The following POMT1 variants were observed in gnomAD, a reference collection of about 807,000 sequenced individuals.
POMT1 encodes the protein protein O-mannosyltransferase 1.
In POMT1, 85 loss-of-function variants were observed where a neutral mutation model predicts 101.6. The observed-to-expected ratio is 0.84, with a 90% confidence interval of 0.70 to 1.00. The LOEUF is 1.00. POMT1 is among the 50% of genes least tolerant of loss of function. The pLI is 0.00. For synonymous variants in POMT1, 371 were observed against 383.0 expected, an observed-to-expected ratio of 0.97 and a Z score of 0.37; for missense variants, 857 against 930.4, an observed-to-expected ratio of 0.92 and a Z score of 1.03.
Position 131,518,475 on chromosome 9 carries a change from G to C in POMT1, c.1303G>C (p.Val435Leu). Residue 435 changes from valine to leucine, a missense_variant, in exon 14 of 20, where the codon GTC becomes CTC. Val to Leu is a conservative substitution (Grantham distance 32). Coordinates refer to ENST00000402686, the MANE Select transcript of POMT1 (RefSeq NM_001077365.2). ...EIVNRGSDTD[V>L]WKTILSEVRF... Reference sequence around the variant, plus strand: ...TGTGAACAGAGGATCTGACACAGACGTCTGGAAGACCATCCTCTCAGAGGT... The same window carrying C: ...TGTGAACAGAGGATCTGACACAGACCTCTGGAAGACCATCCTCTCAGAGGT... 6.2e-7 allele frequency: 1 copy of C among 1,613,840 alleles called. No homozygotes were observed. Among genetic ancestry groups the C allele is most frequent in the Non-Finnish European group, 8.5e-7 (1 of 1,179,874 alleles).
rs1947129022 is a variant in POMT1, at chr9:131,511,604, G to A, written c.986+137G>A. 4 of 1,195,942 alleles carry A rather than the reference G, an allele frequency of 3.3e-6. No individual in the cohort carries two copies. The East Asian group carries it at 1.0e-4, about 30-fold the overall frequency. The allele number at this position is 1,195,942 out of a possible 1,614,324, so 74.1% of individuals were successfully genotyped here. A position where few individuals can be genotyped will look rare whatever the true frequency, so the allele number is the denominator to read the frequency against. On this transcript the variant is annotated intron_variant, in intron 10 of 19. Transcript: ENST00000402686. ...AAGTTGAGCAGCCCGGGTGCTGATT[G>A]CCAGTGAGCTTCGTGGTTCCCGGGT...
chr9:131,515,895 ATGGAG>A (rs1470831240), intron 13 of POMT1, among the ~76,000 whole-genome samples: 9 of 122,834 alleles, frequency 7.3e-5, no homozygotes, highest in East Asian at 2.7e-4. Context: ...ACTTCCTCAC[ATGGAG>A]CACTTCCTCA....
rs947819564 is a variant in POMT1, at chr9:131,503,437, C to T, written c.-31+364C>T. ...AAGGGGAGAGGAGGCACTCCCAGGA[C>T]AGATGGGACCTTTTGGGACGAAGGC... On this transcript the variant is annotated intron_variant, in intron 1 of 19. Coordinates refer to ENST00000402686, the MANE Select transcript of POMT1 (RefSeq NM_001077365.2). This position sits in a 1 kb window ranked among gnomAD's most constrained non-coding sequence, Gnocchi z 4.4. 6.4e-6 allele frequency: 1 copy of T among 156,016 alleles called. No individual in the cohort carries two copies. Among genetic ancestry groups the T allele is most frequent in the Admixed American group, 6.4e-5 (1 of 15,624 alleles). The allele number at this position is 156,016 out of a possible 1,614,324, so 9.7% of individuals were successfully genotyped here. A position where few individuals can be genotyped will look rare whatever the true frequency, so the allele number is the denominator to read the frequency against.
intron 9 of POMT1, 161 bp downstream of exon 9, chr9:131,510,576 G>T: frequency 9.7e-7 from 1 of 1,028,054 alleles, no homozygotes; most frequent in Non-Finnish European, 1.4e-6. Context: ...GTCTTACTCT[G>T]TCACCCAAAC....
chr9:131,517,805 G>A (rs1168578860), intron 13 of POMT1, among the ~76,000 whole-genome samples: 2 of 152,212 alleles, frequency 1.3e-5, no homozygotes, highest in Non-Finnish European at 2.9e-5. Context: ...CAAGGAAGGA[G>A]GGAGCATGCG....
intron 18 of POMT1, 54 bp downstream of exon 18, chr9:131,521,526 T>C (rs1263363641): frequency 1.3e-6 from 2 of 1,587,858 alleles, no homozygotes; most frequent in Non-Finnish European, 8.6e-7. Context: ...CATGGGGTCT[T>C]GCTGTGTTGT....
chr9:131,521,442 C>A lies in POMT1; in HGVS notation c.1795C>A (p.Arg599=), dbSNP rs150899645. The A allele has an allele frequency of 6.2e-7, 1 of 1,614,134 alleles. No individual in the cohort carries two copies. Among genetic ancestry groups the A allele is most frequent in the Non-Finnish European group, 8.5e-7 (1 of 1,180,032 alleles). The change falls in exon 18 of 20, where the codon CGG becomes AGG. Residue 599 remains arginine (R), a synonymous_variant. Transcript: ENST00000402686. ...ALLSLWYLLR[R]RRNVHDLPQD... ...GCTGTCCTTGTGGTACCTGCTCCGA[C>A]GGCGAAGAAATGTCCATGACCTCCC...
intron 12 of POMT1, 144 bp from the exon 13 acceptor site, chr9:131,515,282 G>C: frequency 1.2e-6 from 1 of 803,660 alleles, no homozygotes. Context: ...GTCCTCAGTA[G>C]CAGCAACTCA....
intron 9 of POMT1, chr9:131,511,001 G>GTAT: frequency 3.5e-6 from 1 of 286,438 alleles, no homozygotes; most frequent in Middle Eastern, 1.2e-3. Flanking sequence ...GTGTGTTTCA[G>GTAT]CAAGTTGTTT....
chr9:131,506,409 T>C lies in POMT1; in HGVS notation c.236T>C (p.Leu79Ser). The C allele has an allele frequency of 6.2e-7, 1 of 1,612,932 alleles. No individual in the cohort carries two copies. The highest frequency in any genetic ancestry group is 8.5e-7 in the Non-Finnish European group (1 of 1,178,888). The change falls in exon 4 of 20, where the codon TTA (leucine) becomes TCA (serine). Residue 79 changes from leucine to serine, a missense_variant. By Grantham distance (145) the Leu-to-Ser change is moderately radical (BLOSUM62 -2). Coordinates refer to ENST00000402686, the MANE Select transcript of POMT1 (RefSeq NM_001077365.2). Reference sequence around the variant, plus strand: ...GATTAATCTTCTGTTTCAGGTTATTTAGGAGGATTCGATGGCAATTTTTTG... The same window carrying C: ...GATTAATCTTCTGTTTCAGGTTATTCAGGAGGATTCGATGGCAATTTTTTG... ...GHMVLALGGY[L>S]GGFDGNFLWN...
intron 11 of POMT1, among the ~76,000 whole-genome samples, 195 bp from the exon 12 acceptor site, chr9:131,513,044 G>A (rs1455401425): frequency 2.6e-5 from 4 of 152,188 alleles, no homozygotes; most frequent in Non-Finnish European, 5.9e-5. Context: ...AATCACATTC[G>A]GAAAATGACC....
intron 9 of POMT1, chr9:131,511,009 T>TCG: frequency 7.4e-6 from 2 of 271,262 alleles, no homozygotes; most frequent in South Asian, 1.1e-4. Context: ...CAGCAAGTTG[T>TCG]TTGGCTCACC....
chr9:131,510,499 C>G lies in POMT1; in HGVS notation c.855+84C>G, dbSNP rs571631463. 145 of 1,467,846 alleles carry G rather than the reference C, an allele frequency of 9.9e-5. 1 individual carries two copies. The Middle Eastern group carries it at 1.3e-3, about 13-fold the overall frequency. 90.9% of individuals were successfully genotyped at this position (1,467,846 alleles called of 1,614,324 possible). On this transcript the variant is annotated intron_variant, in intron 9 of 19. Coordinates refer to ENST00000402686, the MANE Select transcript of POMT1 (RefSeq NM_001077365.2). ...TTTTCTTACAAACACATCAAGTGAACATTAGCACTTGAATCAAAACATGAA... is the reference window on the plus strand; with the variant it reads ...TTTTCTTACAAACACATCAAGTGAAGATTAGCACTTGAATCAAAACATGAA...
In POMT1 at chr9:131,508,900, C is replaced by T. The variant is rs1433682320; in HGVS notation, c.428-11C>T. On this transcript the variant is annotated splice_polypyrimidine_tract_variant and intron_variant, in intron 5 of 19. Coordinates refer to ENST00000402686, the MANE Select transcript of POMT1 (RefSeq NM_001077365.2). The stretch of plus-strand genomic sequence containing the variant: ...ACCTTAAAATTGACATGTGTTTCCT[C>T]TTTGAAACAGAGAATGCTCTCATCA... 1 of 1,586,322 alleles carries T rather than the reference C, an allele frequency of 6.3e-7. No homozygotes were observed. The highest frequency in any genetic ancestry group is 8.7e-7 in the Non-Finnish European group (1 of 1,154,638).
rs755682718 is a variant in POMT1 at position 131,518,968 on chromosome 9, G to A, written c.1486+11G>A. 1.3e-5 allele frequency: 21 copies of A among 1,613,170 alleles called. No individual in the cohort carries two copies. The highest frequency in any genetic ancestry group is 5.3e-5 in the African/African-American group (4 of 74,920). On this transcript the variant is annotated intron_variant, in intron 15 of 19. Coordinates refer to ENST00000402686, the MANE Select transcript of POMT1 (RefSeq NM_001077365.2). ...ACCGATACGGCGCGAGTGAGTCCGCGGCGTGGCTTCCGCCGCTCCTGGAAT... is the reference window on the plus strand; with the variant it reads ...ACCGATACGGCGCGAGTGAGTCCGCAGCGTGGCTTCCGCCGCTCCTGGAAT...
intron 12 of POMT1, among the ~76,000 whole-genome samples, chr9:131,514,397 C>G (rs891399830): frequency 2.0e-5 from 3 of 152,274 alleles, no homozygotes; most frequent in Non-Finnish European, 2.9e-5. Context: ...CGAGAATGTT[C>G]TTGGACTTGG....
intron 10 of POMT1, 62 bp from the exon 11 acceptor site, chr9:131,511,979 C>G (rs2131681043): frequency 6.3e-7 from 1 of 1,588,056 alleles, no homozygotes; most frequent in Non-Finnish European, 8.6e-7. Flanking sequence ...CCAAAGTGCT[C>G]TGATTACAGG....
intron 13 of POMT1, among the ~76,000 whole-genome samples, chr9:131,515,770 AT>A (rs869285301): frequency 3.9e-5 from 1 of 25,326 alleles, no homozygotes; most frequent in Non-Finnish European, 1.5e-4. Flanking sequence ...TTCCTCTAAC[AT>A]GGAGCACTTC....
At chr9:131,504,130 A>G in intron 1 of POMT1, 59 bp from the exon 2 acceptor site, 2 of 1,602,018 alleles carry the variant, frequency 1.2e-6, no homozygotes, top group South Asian at 1.1e-5. Flanking sequence ...GTGGCTGGGG[A>G]TCCCTTCTGT....
Sources: allele counts gnomAD v4.1 joint callset (sites outside exome capture counted in the v4.1 genomes callset), GRCh38; gene constraint gnomAD v4.1.1; non-coding constraint Gnocchi (gnomAD v3.1); transcripts MANE v1.5; gene names NCBI Gene and HGNC (gene_info 2026-07-23, HGNC 2026-07-21).